The following DIO2 variants were observed in gnomAD, a reference collection of about 807,000 sequenced individuals.
DIO2 encodes the protein type II iodothyronine deiodinase.
In DIO2, 19 loss-of-function variants were observed where a neutral mutation model predicts 21.4. The observed-to-expected ratio is 0.89, with a 90% confidence interval of 0.62 to 1.30. The LOEUF is 1.30. Ranked by LOEUF, DIO2 falls within the 50% of genes most tolerant of loss-of-function variation. The probability of loss-of-function intolerance (pLI) is 0.00; values close to 1 mark genes in which losing one functional copy is unlikely to be tolerated. For synonymous variants in DIO2, 122 were observed against 132.9 expected (o/e 0.92, Z 0.57); for missense variants, 302 against 338.1 (o/e 0.89, Z 0.84).
intron 2 of DIO2, among the ~76,000 whole-genome samples, chr14:80,223,439 A>G (rs379237): frequency 0.019 from 2,895 of 152,298 alleles, 84 homozygotes; most frequent in African/African-American, 0.066. Flanking sequence ...TGTAGGCAAT[A>G]TGTTGTGTTG....
chr14:80,211,250 C>T lies in DIO2; in HGVS notation c.222+1G>A. 1.2e-6 allele frequency: 2 copies of T among 1,608,552 alleles called. No individual in the cohort carries two copies. Among genetic ancestry groups the T allele is most frequent in the Non-Finnish European group, 1.7e-6 (2 of 1,179,200 alleles). On this transcript the variant is annotated splice_donor_variant, in intron 1 of 1. Coordinates refer to ENST00000438257, the MANE Select transcript of DIO2 (RefSeq NM_013989.5). LOFTEE classifies it high-confidence loss of function. ...GAGAAGCCCTTCTCAGCTCAGCTCA[C>T]CTGTTTGTAGGCATCGAGGAGGAAG...
intron 2 of DIO2, among the ~76,000 whole-genome samples, chr14:80,228,052 A>G (rs892700714): frequency 6.6e-6 from 1 of 152,222 alleles, no homozygotes; most frequent in East Asian, 1.9e-4. Flanking sequence ...TGTCTCACCA[A>G]TAAGTCCAGT....
At chr14:80,221,881 GTAA>G (rs1888473068) in intron 2 of DIO2, among the ~76,000 whole-genome samples, 1 of 152,198 alleles carries the variant, frequency 6.6e-6, no homozygotes, top group African/African-American at 2.4e-5. Flanking sequence ...TGTCCTACAA[GTAA>G]TAATCTCTTT....
At chr14:80,208,942 C>A (rs992548127) in intron 1 of DIO2, among the ~76,000 whole-genome samples, 3 of 152,150 alleles carry the variant, frequency 2.0e-5, no homozygotes, top group Non-Finnish European at 4.4e-5. Flanking sequence ...TTACATAAAT[C>A]ATCAAAAGCA....
chr14:80,211,265 C>T lies in DIO2; in HGVS notation c.208G>A (p.Asp70Asn), dbSNP rs944548096. The T allele has an allele frequency of 1.9e-6, 3 of 1,610,642 alleles. No individual in the cohort carries two copies. Among genetic ancestry groups the T allele is most frequent in the Non-Finnish European group, 2.5e-6 (3 of 1,179,652 alleles). ...GCTCAGCTCACCTGTTTGTAGGCAT[C>T]GAGGAGGAAGCTCTTCCAGACGCAG... ...LRCVWKSFLL[D>N]AYKQVKLGED... Residue 70 changes from aspartate (D) to asparagine (N), a missense_variant, in exon 1 of 2, where the codon GAT (aspartate) becomes AAT (asparagine). Asp to Asn is a conservative substitution (Grantham distance 23). Coordinates refer to ENST00000438257, the MANE Select transcript of DIO2 (RefSeq NM_013989.5).
At chr14:80,205,772 A>G (rs1887929734) in intron 1 of DIO2, 2 of 1,232,668 alleles carry the variant, frequency 1.6e-6, no homozygotes, top group Non-Finnish European at 2.1e-6. Flanking sequence ...CCAAATTCGT[A>G]ATGCTCTTTA....
In DIO2 at chr14:80,201,461, C is replaced by T. The variant is rs992108372; in HGVS notation, c.*1228G>A. ...CTGAATGGCCATGGTACCTACCTCCCGCAGCAGCTGAGAATATATATACAT... is the reference window on the plus strand; with the variant it reads ...CTGAATGGCCATGGTACCTACCTCCTGCAGCAGCTGAGAATATATATACAT... On this transcript the variant is annotated 3_prime_UTR_variant, in exon 2 of 2. Coordinates refer to ENST00000438257, the MANE Select transcript of DIO2 (RefSeq NM_013989.5). 8.5e-5 allele frequency: 13 copies of T among 152,188 alleles called. No individual in the cohort carries two copies. The highest frequency in any genetic ancestry group is 2.6e-4 in the African/African-American group (11 of 41,532). The allele number at this position is 152,188 out of a possible 1,614,324, so 9.4% of individuals were successfully genotyped here. A position where few individuals can be genotyped will look rare whatever the true frequency, so the allele number is the denominator to read the frequency against.
In DIO2 at chr14:80,203,296, T is replaced by TAAAAAAAAAA. The variant is rs5809986; in HGVS notation, c.223-18_223-9dup. ...ATCCTCACCCAATTTCACCTGACGG[T>TAAAAAAAAAA]AAAAAAAAAAAAAAAGAAGAAGAAG... On this transcript the variant is annotated splice_polypyrimidine_tract_variant and intron_variant, in intron 1 of 1. Coordinates refer to ENST00000438257, the MANE Select transcript of DIO2 (RefSeq NM_013989.5). 1.8e-6 allele frequency: 2 copies of TAAAAAAAAAA among 1,137,366 alleles called. No homozygotes were observed. The allele number at this position is 1,137,366 out of a possible 1,614,324, so 70.5% of individuals were successfully genotyped here.
upstream of DIO2, among the ~76,000 whole-genome samples, chr14:80,213,157 C>T (rs1888266774): frequency 6.6e-6 from 1 of 152,158 alleles, no homozygotes. Context: ...CATTGGCTTG[C>T]CTCTCCCATG....
intron 2 of DIO2, among the ~76,000 whole-genome samples, chr14:80,226,439 A>C (rs1479319293): frequency 6.6e-6 from 1 of 152,232 alleles, no homozygotes; most frequent in Non-Finnish European, 1.5e-5. Flanking sequence ...TCTTGGCGGA[A>C]GCATTGCATG....
At chr14:80,207,984 T>G (rs1056272660) in intron 1 of DIO2, among the ~76,000 whole-genome samples, 6 of 152,166 alleles carry the variant, frequency 3.9e-5, no homozygotes, top group Admixed American at 3.9e-4. Context: ...AAAACCAAAA[T>G]TATATGTTCA....
In DIO2 at chr14:80,199,133, G is replaced by A. The variant is rs939803708; in HGVS notation, c.*3556C>T. ...TTGTAATCCACCTTTGAATTTTCCC[G>A]AAGGCATACATACTGTCTCTAACCT... On this transcript the variant is annotated 3_prime_UTR_variant, in exon 2 of 2. Transcript: ENST00000438257. The A allele has an allele frequency of 2.0e-5, 3 of 152,322 alleles. No individual in the cohort carries two copies. Among genetic ancestry groups the A allele is most frequent in the African/African-American group, 4.8e-5 (2 of 41,558 alleles). The allele number at this position is 152,322 out of a possible 1,614,324, so 9.4% of individuals were successfully genotyped here.
At chr14:80,206,543 C>T (rs1450736359) in intron 1 of DIO2, among the ~76,000 whole-genome samples, 2 of 152,096 alleles carry the variant, frequency 1.3e-5, no homozygotes, top group Non-Finnish European at 2.9e-5. Flanking sequence ...GGAGAATCAC[C>T]ATTGTCTTCG....
rs1887700522 is a variant in DIO2 at position 80,201,151 on chromosome 14, ATTT to A, written c.*1535_*1537del. 1 of 151,056 alleles carries A rather than the reference ATTT, an allele frequency of 6.6e-6. No homozygotes were observed. Among genetic ancestry groups the A allele is most frequent in the African/African-American group, 2.4e-5 (1 of 41,294 alleles). The allele number at this position is 151,056 out of a possible 1,614,324, so 9.4% of individuals were successfully genotyped here. A position where few individuals can be genotyped will look rare whatever the true frequency, so the allele number is the denominator to read the frequency against. On this transcript the variant is annotated 3_prime_UTR_variant, in exon 2 of 2. Coordinates refer to ENST00000438257, the MANE Select transcript of DIO2 (RefSeq NM_013989.5). ...GTGTCTATTTTAAAAAGAAAAAAAT[ATTT>A]TATATATATATTTTTTAAAATAGCA...
chr14:80,217,040 A>T (rs909415262), intron 2 of DIO2, among the ~76,000 whole-genome samples: 1 of 152,218 alleles, frequency 6.6e-6, no homozygotes, highest in Non-Finnish European at 1.5e-5. Context: ...TTTGTTCCCA[A>T]TGAGAGCAAA....
intron 1 of DIO2, among the ~76,000 whole-genome samples, chr14:80,209,655 A>G (rs1888091077): frequency 6.6e-6 from 1 of 152,224 alleles, no homozygotes; most frequent in Non-Finnish European, 1.5e-5. Flanking sequence ...ACTGACATGC[A>G]CAATATAAAT....
At chr14:80,221,393 T>C (rs1430758130) in intron 2 of DIO2, among the ~76,000 whole-genome samples, 1 of 152,222 alleles carries the variant, frequency 6.6e-6, no homozygotes, top group Non-Finnish European at 1.5e-5. Context: ...ACCTACATGC[T>C]ACAGTGATAG....
rs1055403732 is a variant in DIO2, at chr14:80,209,326, A to G, written c.222+1925T>C. On this transcript the variant is annotated intron_variant, in intron 1 of 1. Coordinates refer to ENST00000438257, the MANE Select transcript of DIO2 (RefSeq NM_013989.5). ...TGACATTTATATAAGAAATATATGT[A>G]TATAAGTAAAATTCTTCCAATAAGT... is the stretch of plus-strand genomic sequence containing the variant. Among the ~76,000 whole-genome samples the G allele has an allele frequency of 4.6e-5, 7 of 152,076 alleles. No individual in the cohort carries two copies. The East Asian group carries it at 1.4e-3, about 30-fold the overall frequency.
intron 1 of DIO2, chr14:80,205,798 A>T (rs1229933238): frequency 9.6e-7 from 1 of 1,041,234 alleles, no homozygotes; most frequent in African/African-American, 1.7e-5. Flanking sequence ...GGGATTTAGC[A>T]TTTTGTTAGG....
Sources: allele counts gnomAD v4.1 joint callset (sites outside exome capture counted in the v4.1 genomes callset), GRCh38; gene constraint gnomAD v4.1.1; transcripts MANE v1.5; gene names NCBI Gene and HGNC (gene_info 2026-07-23, HGNC 2026-07-21).